TMEM267: variants seen among roughly 807,000 people sequenced by gnomAD.
TMEM267 encodes the protein transmembrane protein 267, also known as transmembrane protein C5orf28.
In TMEM267, 20 loss-of-function variants were observed where a neutral mutation model predicts 19.3. That is an observed-to-expected ratio of 1.04 (90% CI 0.73 to 1.51). TMEM267 has a LOEUF of 1.51. Ranked by LOEUF, TMEM267 falls within the 40% of genes most tolerant of loss-of-function variation. The pLI is 0.00. For synonymous variants in TMEM267, 88 were observed against 90.3 expected (o/e 0.97, Z 0.15); for missense variants, 242 against 261.9 (o/e 0.92, Z 0.52).
At position 43,445,456 on chromosome 5, in the gene TMEM267, T is replaced by C. The variant is rs1742189121; in HGVS notation, c.*766A>G. On this transcript the variant is annotated 3_prime_UTR_variant, in exon 3 of 3. Coordinates refer to ENST00000397080, the MANE Select transcript of TMEM267 (RefSeq NM_022483.5). The stretch of plus-strand genomic sequence containing the variant: ...AATATCAACATTTTGTTAATGTTAC[T>C]TATTATTTTCAAAACAGTTAAAACT... The C allele has an allele frequency of 6.6e-6, 1 of 152,132 alleles. No individual in the cohort carries two copies. Among genetic ancestry groups the C allele is most frequent in the Non-Finnish European group, 1.5e-5 (1 of 67,982 alleles). The allele number at this position is 152,132 out of a possible 1,614,324, so 9.4% of individuals were successfully genotyped here.
At chr5:43,480,461 G>A (rs1016448291) in intron 1 of TMEM267, among the ~76,000 whole-genome samples, 1 of 151,778 alleles carries the variant, frequency 6.6e-6, no homozygotes, top group African/African-American at 2.4e-5. Context: ...CTACAGGCAA[G>A]TGCCACCAAG....
At chr5:43,462,553 C>A (rs1454748417) in intron 1 of TMEM267, among the ~76,000 whole-genome samples, 1 of 152,074 alleles carries the variant, frequency 6.6e-6, no homozygotes, top group African/African-American at 2.4e-5. Flanking sequence ...GAAAAGGAAT[C>A]CAGAAGTCTA....
intron 1 of TMEM267, among the ~76,000 whole-genome samples, chr5:43,482,159 T>C (rs1744825298): frequency 6.6e-6 from 1 of 152,182 alleles, no homozygotes; most frequent in African/African-American, 2.4e-5. Flanking sequence ...GTCTACTGTT[T>C]TAAGCCTCTA....
At chr5:43,454,103 A>C (rs1742788689) in intron 1 of TMEM267, 60 bp from the exon 2 acceptor site, 1 of 1,168,930 alleles carries the variant, frequency 8.6e-7, no homozygotes, top group South Asian at 1.8e-5. Flanking sequence ...ATAATATTTA[A>C]ACAAAACAGT....
intron 1 of TMEM267, among the ~76,000 whole-genome samples, chr5:43,474,665 A>C (rs774109283): frequency 6.6e-6 from 1 of 151,386 alleles, no homozygotes; most frequent in Non-Finnish European, 1.5e-5. Context: ...AGGATGAGGC[A>C]GGAGAATTGC....
At chr5:43,468,735 T>C (rs568159314) in intron 1 of TMEM267, among the ~76,000 whole-genome samples, 1 of 152,356 alleles carries the variant, frequency 6.6e-6, no homozygotes, top group African/African-American at 2.4e-5. Context: ...CAAATCGATC[T>C]AATAAATATT....
chr5:43,451,347 T>G (rs1209835076), intron 2 of TMEM267, among the ~76,000 whole-genome samples: 1 of 151,518 alleles, frequency 6.6e-6, no homozygotes, highest in African/African-American at 2.4e-5. Flanking sequence ...GAAAGTAGGG[T>G]TCATTTGAAA....
intron 1 of TMEM267, among the ~76,000 whole-genome samples, chr5:43,482,783 C>T (rs1266726894): frequency 6.6e-6 from 1 of 152,216 alleles, no homozygotes; most frequent in Non-Finnish European, 1.5e-5. Context: ...TTGGGGCCTT[C>T]AGAGTATACA....
At chr5:43,477,155 GC>G (rs1744475688) in intron 1 of TMEM267, among the ~76,000 whole-genome samples, 1 of 151,956 alleles carries the variant, frequency 6.6e-6, no homozygotes, top group Non-Finnish European at 1.5e-5. Context: ...TCGCCCTACT[GC>G]ACTCCAGCCT....
At chr5:43,470,235 T>C (rs540788630) in intron 1 of TMEM267, among the ~76,000 whole-genome samples, 171 of 152,260 alleles carry the variant, frequency 1.1e-3, no homozygotes, top group Non-Finnish European at 1.7e-3. Context: ...CTCCACCTCC[T>C]AGGTTCAAGT....
At chr5:43,474,520 G>A (rs546213753) in intron 1 of TMEM267, among the ~76,000 whole-genome samples, 1 of 152,310 alleles carries the variant, frequency 6.6e-6, no homozygotes, top group East Asian at 1.9e-4. Flanking sequence ...AGCACTTTGG[G>A]AGGCTGAGGC....
At chr5:43,458,557 T>C (rs930390731) in intron 1 of TMEM267, among the ~76,000 whole-genome samples, 11 of 152,170 alleles carry the variant, frequency 7.2e-5, no homozygotes, top group African/African-American at 2.7e-4. Flanking sequence ...GAAACTTTGG[T>C]AAGGGACGCA....
intron 1 of TMEM267, among the ~76,000 whole-genome samples, chr5:43,481,386 A>G (rs1744754266): frequency 6.6e-6 from 1 of 151,798 alleles, no homozygotes; most frequent in South Asian, 2.1e-4. Context: ...ACAGGCAGAA[A>G]CTACCACACC....
intron 2 of TMEM267, among the ~76,000 whole-genome samples, chr5:43,453,263 G>C (rs1354043005): frequency 1.3e-5 from 2 of 152,212 alleles, no homozygotes; most frequent in East Asian, 3.8e-4. Context: ...TAAAGAATAA[G>C]GGGGAAATGT....
intron 2 of TMEM267, among the ~76,000 whole-genome samples, chr5:43,453,000 T>C (rs2112041555): frequency 6.6e-6 from 1 of 152,326 alleles, no homozygotes; most frequent in African/African-American, 2.4e-5. Context: ...ATTTAGAAAA[T>C]ATTATCTGAA....
Position 43,446,208 on chromosome 5 carries a change from G to GTTA in TMEM267, c.*13_*14insTAA. 1 of 1,561,250 alleles carries GTTA rather than the reference G, an allele frequency of 6.4e-7. No individual in the cohort carries two copies. Among genetic ancestry groups the GTTA allele is most frequent in the Non-Finnish European group, 8.8e-7 (1 of 1,138,494 alleles). On this transcript the variant is annotated 3_prime_UTR_variant, in exon 3 of 3. Transcript: ENST00000397080. ...TCATCTGAGCCATTTGCTTCTCTAAGACTGCCGTGTACCTCAGACATCAAT... is the reference window on the plus strand; with the variant it reads ...TCATCTGAGCCATTTGCTTCTCTAAGTTAACTGCCGTGTACCTCAGACATCAAT...
intron 1 of TMEM267, among the ~76,000 whole-genome samples, chr5:43,481,428 G>A (rs1579839873): frequency 6.6e-6 from 1 of 151,922 alleles, no homozygotes; most frequent in Admixed American, 6.6e-5. Flanking sequence ...TACATGATGA[G>A]TTCAGATTTT....
chr5:43,460,287 C>T (rs1743183076), intron 1 of TMEM267, among the ~76,000 whole-genome samples: 1 of 152,088 alleles, frequency 6.6e-6, no homozygotes, highest in Non-Finnish European at 1.5e-5. Context: ...TGTACTGGTC[C>T]ATGGCCTGGG....
chr5:43,473,121 G>C (rs1744186425), intron 1 of TMEM267, among the ~76,000 whole-genome samples: 1 of 133,264 alleles, frequency 7.5e-6, no homozygotes, highest in Admixed American at 8.5e-5. Flanking sequence ...CTGGACTACA[G>C]AGCGAGACTC....
Sources: allele counts gnomAD v4.1 joint callset (sites outside exome capture counted in the v4.1 genomes callset), GRCh38; gene constraint gnomAD v4.1.1; transcripts MANE v1.5; gene names NCBI Gene and HGNC (gene_info 2026-07-23, HGNC 2026-07-21).